Variants in UROD observed in about 807,000 individuals in gnomAD.
UROD encodes uroporphyrinogen decarboxylase.
In UROD, 34 loss-of-function variants were observed where a neutral mutation model predicts 47.1. The ratio of observed to expected loss-of-function variants is 0.72; its 90% CI spans 0.55 to 0.96. UROD has a LOEUF of 0.96. UROD is among the 40% of genes least tolerant of loss of function. The probability of loss-of-function intolerance (pLI) is 0.00; values close to 1 mark genes in which losing one functional copy is unlikely to be tolerated. For synonymous variants in UROD, 148 were observed against 175.8 expected, an observed-to-expected ratio of 0.84 and a Z score of 1.25; for missense variants, 381 against 471.8, an observed-to-expected ratio of 0.81 and a Z score of 1.78.
Position 45,014,491 on chromosome 1 carries a change from A to G in UROD, c.689A>G (p.Asn230Ser), listed in dbSNP as rs1186156258. Reference protein sequence around the residue: ...HAGHLGPQLFNKFALPYIRDV... With the variant: ...HAGHLGPQLFSKFALPYIRDV... ...GGGCATCTTGGCCCACAGCTCTTCA[A>G]CAAGTTTGCACTGCCTTACATCCGT... is the stretch of plus-strand genomic sequence containing the variant. Residue 230 changes from asparagine (N) to serine (S), a missense_variant, in exon 7 of 10, where the codon AAC becomes AGC. By Grantham distance (46) the Asn-to-Ser change is conservative (BLOSUM62 1). Coordinates refer to ENST00000246337, the MANE Select transcript of UROD (RefSeq NM_000374.5). 4 of 1,614,026 alleles carry G rather than the reference A, an allele frequency of 2.5e-6. No homozygotes were observed. Among genetic ancestry groups the G allele is most frequent in the African/African-American group, 1.3e-5 (1 of 74,908 alleles).
At chr1:45,012,850 TC>T (rs1644813677) in intron 1 of UROD, 56 bp from the exon 2 acceptor site, 1 of 1,605,508 alleles carries the variant, frequency 6.2e-7, no homozygotes, top group South Asian at 1.1e-5. Context: ...ACCCGCGCTT[TC>T]CCCAGCCTCC....
chr1:45,012,890 C>G lies in UROD; in HGVS notation c.21-17C>G, dbSNP rs377193477. 1.2e-6 allele frequency: 2 copies of G among 1,613,514 alleles called. No individual in the cohort carries two copies. Among genetic ancestry groups the G allele is most frequent in the Non-Finnish European group, 1.7e-6 (2 of 1,179,812 alleles). ...GTAGCATACTGACACCTACCCCCAC[C>G]CCCACCTGATCGCCAGACCTCAGGG... On this transcript the variant is annotated splice_polypyrimidine_tract_variant and intron_variant, in intron 1 of 9. Transcript: ENST00000246337.
Position 45,013,886 on chromosome 1 carries a change from A to G in UROD, c.475-23A>G. 1 of 1,614,168 alleles carries G rather than the reference A, an allele frequency of 6.2e-7. No homozygotes were observed. The highest frequency in any genetic ancestry group is 1.1e-5 in the South Asian group (1 of 91,086). ...GAAGGGTCAGTCTGGCTTCTGTGAC[A>G]CCATCTTTCTATCCTTCTCTAGTGG... On this transcript the variant is annotated intron_variant, in intron 5 of 9. Transcript: ENST00000246337. The surrounding 1 kb of genome is among the most constrained non-coding windows in gnomAD (Gnocchi z 4.2).
intron 1 of UROD, chr1:45,012,548 G>A: frequency 4.8e-6 from 3 of 623,152 alleles, no homozygotes; most frequent in Non-Finnish European, 2.8e-6. Context: ...CCCAGCCTGG[G>A]TATTTCTCAG....
At chr1:45,012,340 C>T in intron 1 of UROD, 55 bp downstream of exon 1, 1 of 1,613,116 alleles carries the variant, frequency 6.2e-7, no homozygotes, top group Non-Finnish European at 8.5e-7. Context: ...TTGAGTCTTC[C>T]AACTCAGGAC....
intron 1 of UROD, 81 bp downstream of exon 1, chr1:45,012,366 C>T (rs1644807291): frequency 2.5e-6 from 4 of 1,598,710 alleles, no homozygotes; most frequent in African/African-American, 1.3e-5. Context: ...CCCTCTACTC[C>T]CCTTTCCCCA....
chr1:45,013,384 A>C lies in UROD; in HGVS notation c.276+30A>C. On this transcript the variant is annotated intron_variant, in intron 4 of 9. Coordinates refer to ENST00000246337, the MANE Select transcript of UROD (RefSeq NM_000374.5). The surrounding 1 kb of genome is among the most constrained non-coding windows in gnomAD (Gnocchi z 4.2). ...CCACTCAAACCTGATCCTAGAATAT[A>C]ATCCAAGGACGCCTTGAAAATCCTT... is the stretch of plus-strand genomic sequence containing the variant. 6.2e-7 allele frequency: 1 copy of C among 1,613,826 alleles called. No homozygotes were observed. Among genetic ancestry groups the C allele is most frequent in the Non-Finnish European group, 8.5e-7 (1 of 1,179,734 alleles).
chr1:45,014,712 A>T (rs1644834635), intron 7 of UROD, 24 bp from the exon 8 acceptor site: 1 of 1,614,102 alleles, frequency 6.2e-7, no homozygotes, highest in African/African-American at 1.3e-5. Context: ...GGCCCTCTGT[A>T]GCCTGAGATC....
Position 45,013,020 on chromosome 1 carries a change from GTAA to G in UROD, c.133+2_133+4del, listed in dbSNP as rs1372430431. 9.3e-6 allele frequency: 15 copies of G among 1,614,038 alleles called. No homozygotes were observed. The highest frequency in any genetic ancestry group is 1.3e-5 in the Non-Finnish European group (15 of 1,180,028). The stretch of plus-strand genomic sequence containing the variant: ...CGCCAGGCAGGCCGTTACTTACCAG[GTAA>G]GAGTCAGGGTCTGGAAATCTAGATA... On this transcript the variant is annotated splice_donor_variant and splice_donor_region_variant and intron_variant, in intron 2 of 9. Coordinates refer to ENST00000246337, the MANE Select transcript of UROD (RefSeq NM_000374.5). LOFTEE classifies it high-confidence loss of function. This position sits in a 1 kb window ranked among gnomAD's most constrained non-coding sequence, Gnocchi z 4.2.
chr1:45,015,251 C>G, intron 9 of UROD, 86 bp from the exon 10 acceptor site: 2 of 1,559,998 alleles, frequency 1.3e-6, no homozygotes, highest in South Asian at 2.3e-5. Flanking sequence ...TAGAAGCATG[C>G]CTACATATGC....
chr1:45,013,694 T>C lies in UROD; in HGVS notation c.377T>C (p.Val126Ala). The C allele has an allele frequency of 6.2e-7, 1 of 1,613,994 alleles. No individual in the cohort carries two copies. The highest frequency in any genetic ancestry group is 8.5e-7 in the Non-Finnish European group (1 of 1,180,008). ...CTAGAACGCCTACGGGATCCAGAAG[T>C]GGTAGCCTCTGAGCTAGGCTATGTG... The part of the protein sequence containing the change: ...QDLERLRDPE[V>A]VASELGYVFQ... Residue 126 changes from valine to alanine, a missense_variant, in exon 5 of 10, where the codon GTG becomes GCG. By Grantham distance (64) the Val-to-Ala change is moderately conservative. Transcript: ENST00000246337. This position sits in a 1 kb window ranked among gnomAD's most constrained non-coding sequence, Gnocchi z 4.2.
At chr1:45,012,317 C>A (rs372344050) in intron 1 of UROD, 32 bp downstream of exon 1, 6 of 1,613,998 alleles carry the variant, frequency 3.7e-6, no homozygotes, top group Non-Finnish European at 4.2e-6. Flanking sequence ...GTGTGGCTAG[C>A]CGGGCTTCTA....
Position 45,014,459 on chromosome 1 carries a change from C to A in UROD, c.657C>A (p.Ser219=), listed in dbSNP as rs1644831855. ...AGAQALQLFE[S]HAGHLGPQLF... is the part of the protein sequence containing the mutation. ...ACTAGGCATTGCAGCTGTTTGAGTC[C>A]CATGCAGGGCATCTTGGCCCACAGC... The change falls in exon 7 of 10, where the codon TCC becomes TCA. Residue 219 remains serine (S), a synonymous_variant. Transcript: ENST00000246337. 1 of 1,614,170 alleles carries A rather than the reference C, an allele frequency of 6.2e-7. No homozygotes were observed. The highest frequency in any genetic ancestry group is 8.5e-7 in the Non-Finnish European group (1 of 1,180,050).
chr1:45,012,365 C>G lies in UROD; in HGVS notation c.20+80C>G, dbSNP rs113092319. 8.8e-6 allele frequency: 14 copies of G among 1,598,658 alleles called. No homozygotes were observed. In the African/African-American group the frequency reaches 9.4e-5, roughly 11 times the overall value. ...CAACTCAGGACTCTATCCCTCTACT[C>G]CCCTTTCCCCACCCTGGAGACCTCC... On this transcript the variant is annotated intron_variant, in intron 1 of 9. Transcript: ENST00000246337.
rs759505294 is a variant in UROD at position 45,013,533 on chromosome 1, T to C, written c.277-61T>C. 6.2e-7 allele frequency: 1 copy of C among 1,612,324 alleles called. No individual in the cohort carries two copies. Among genetic ancestry groups the C allele is most frequent in the Non-Finnish European group, 8.5e-7 (1 of 1,178,782 alleles). On this transcript the variant is annotated intron_variant, in intron 4 of 9. Transcript: ENST00000246337. This position sits in a 1 kb window ranked among gnomAD's most constrained non-coding sequence, Gnocchi z 4.2. ...CCTTTTCCTTCCTCCTGGAATGAGC[T>C]GAACAGAACCTTTCCTCCTGGATTC...
intron 6 of UROD, 49 bp downstream of exon 6, chr1:45,014,119 C>T (rs1278029542): frequency 6.2e-6 from 10 of 1,613,142 alleles, no homozygotes; most frequent in Non-Finnish European, 8.5e-6. Context: ...TCTGTAAGGA[C>T]CAGAAGCAAG....
At position 45,013,784 on chromosome 1, in the gene UROD, G is replaced by A. The variant is rs762617943; in HGVS notation, c.467G>A (p.Gly156Asp). 4 of 1,614,186 alleles carry A rather than the reference G, an allele frequency of 2.5e-6. No homozygotes were observed. Among genetic ancestry groups the A allele is most frequent in the Non-Finnish European group, 2.5e-6 (3 of 1,180,040 alleles). The change falls in exon 5 of 10, where the codon GGT (glycine) becomes GAT (aspartate). Residue 156 changes from glycine to aspartate, a missense_variant. Gly to Asp is a moderately conservative substitution (Grantham distance 94, BLOSUM62 -1). Coordinates refer to ENST00000246337, the MANE Select transcript of UROD (RefSeq NM_000374.5). The surrounding 1 kb of genome is among the most constrained non-coding windows in gnomAD (Gnocchi z 4.2). ...CGTGTGCCGCTGATTGGCTTTGCTG[G>A]TGCCCCAGTAATGTGGGACAGGGCA... is the stretch of plus-strand genomic sequence containing the variant. ...AGRVPLIGFA[G>D]APWTLMTYMV...
In UROD at chr1:45,013,033, T is replaced by C; in HGVS notation, c.133+14T>C. ...GTTACTTACCAGGTAAGAGTCAGGGTCTGGAAATCTAGATAAAACTCCGGA... is the reference window on the plus strand; with the variant it reads ...GTTACTTACCAGGTAAGAGTCAGGGCCTGGAAATCTAGATAAAACTCCGGA... On this transcript the variant is annotated intron_variant, in intron 2 of 9. Coordinates refer to ENST00000246337, the MANE Select transcript of UROD (RefSeq NM_000374.5). The surrounding 1 kb of genome is among the most constrained non-coding windows in gnomAD (Gnocchi z 4.2). 1 of 1,613,996 alleles carries C rather than the reference T, an allele frequency of 6.2e-7. No homozygotes were observed. Among genetic ancestry groups the C allele is most frequent in the Non-Finnish European group, 8.5e-7 (1 of 1,180,006 alleles).
chr1:45,015,365 T>G lies in UROD; in HGVS notation c.971T>G (p.Met324Arg). The part of the protein sequence containing the change: ...EEEIGQLVKQ[M>R]LDDFGPHRYI... ...GAGATCGGGCAGTTGGTGAAGCAGATGCTGGATGACTTTGGACCACATCGC... is the reference window on the plus strand; with the variant it reads ...GAGATCGGGCAGTTGGTGAAGCAGAGGCTGGATGACTTTGGACCACATCGC... Residue 324 changes from methionine to arginine, a missense_variant, in exon 10 of 10, where the codon ATG (methionine) becomes AGG (arginine). Transcript: ENST00000246337. 1 of 1,614,140 alleles carries G rather than the reference T, an allele frequency of 6.2e-7. No individual in the cohort carries two copies.
Sources: allele counts gnomAD v4.1 joint callset, GRCh38; gene constraint gnomAD v4.1.1; non-coding constraint Gnocchi (gnomAD v3.1); transcripts MANE v1.5; gene names NCBI Gene and HGNC (gene_info 2026-07-23, HGNC 2026-07-21).